Variants in CNTNAP2 observed in about 807,000 individuals in gnomAD.
CNTNAP2 encodes contactin-associated protein-like 2.
Under a neutral mutation model 155.2 loss-of-function variants are expected in CNTNAP2, and 98 were observed. That is an observed-to-expected ratio of 0.63 (90% CI 0.54 to 0.75). CNTNAP2 has a LOEUF of 0.75. Ranked by LOEUF, CNTNAP2 falls within the 30% of genes least tolerant of loss-of-function variation. The pLI is 0.00. For synonymous variants in CNTNAP2, 651 were observed against 631.2 expected, an observed-to-expected ratio of 1.03 and a Z score of -0.47; for missense variants, 1,727 against 1,688.1, an observed-to-expected ratio of 1.02 and a Z score of -0.40.
intron 13 of CNTNAP2, among the ~76,000 whole-genome samples, chr7:147,764,076 A>G (rs1475105306): frequency 3.3e-5 from 5 of 151,900 alleles, no homozygotes; most frequent in Non-Finnish European, 7.4e-5. Flanking sequence ...TGCTGTGTCC[A>G]TAGCTTTTTC....
At chr7:147,754,248 G>T (rs1281485328) in intron 13 of CNTNAP2, among the ~76,000 whole-genome samples, 2 of 152,152 alleles carry the variant, frequency 1.3e-5, no homozygotes, top group Non-Finnish European at 2.9e-5. Context: ...GAGCAATGAA[G>T]CAAAATGTAC....
intron 11 of CNTNAP2, among the ~76,000 whole-genome samples, chr7:147,487,485 C>A (rs990676133): frequency 6.6e-6 from 1 of 152,128 alleles, no homozygotes; most frequent in East Asian, 1.9e-4. Context: ...AGTGCCTTCA[C>A]TCCACTAGCA....
At chr7:146,220,875 TA>T (rs1469283357) in intron 1 of CNTNAP2, among the ~76,000 whole-genome samples, 2 of 152,194 alleles carry the variant, frequency 1.3e-5, no homozygotes, top group Non-Finnish European at 2.9e-5. Context: ...GAACAAGAGA[TA>T]AAATTTTGTT....
At chr7:147,829,630 A>C (rs77658347) in intron 13 of CNTNAP2, among the ~76,000 whole-genome samples, 6,735 of 152,266 alleles carry the variant, frequency 0.044, 269 homozygotes, top group Admixed American at 0.12. Context: ...GGTAACAGAA[A>C]CAGGATTGGA....
chr7:146,214,245 A>T (rs934281793), intron 1 of CNTNAP2, among the ~76,000 whole-genome samples: 1 of 152,218 alleles, frequency 6.6e-6, no homozygotes, highest in Non-Finnish European at 1.5e-5. Context: ...ACTAAATAAG[A>T]TCATGTAAAT....
chr7:147,104,398 T>C (rs1012489783), intron 4 of CNTNAP2, among the ~76,000 whole-genome samples: 1 of 151,954 alleles, frequency 6.6e-6, no homozygotes, highest in Non-Finnish European at 1.5e-5. Context: ...TATACAGTAT[T>C]ATCCATATGT....
At position 146,489,214 on chromosome 7, in the gene CNTNAP2, C is replaced by T. The variant is rs182302767; in HGVS notation, c.98-285057C>T. Among the ~76,000 whole-genome samples the T allele has an allele frequency of 5.3e-5, 8 of 152,200 alleles. No individual in the cohort carries two copies. In the East Asian group the frequency reaches 1.5e-3, roughly 29 times the overall value. ...ATAAATATGTACAAATATAATGTAT[C>T]AATTTTTAAAAGTTACTGAAAACTC... On this transcript the variant is annotated intron_variant, in intron 1 of 23. Coordinates refer to ENST00000361727, the MANE Select transcript of CNTNAP2 (RefSeq NM_014141.6).
intron 13 of CNTNAP2, among the ~76,000 whole-genome samples, chr7:147,868,385 C>G (rs1370847744): frequency 6.6e-6 from 1 of 152,098 alleles, no homozygotes; most frequent in Non-Finnish European, 1.5e-5. Flanking sequence ...GTCTGTCGGC[C>G]CATACTGGGA....
chr7:146,414,325 A>G (rs940960), intron 1 of CNTNAP2, among the ~76,000 whole-genome samples: 5,416 of 152,272 alleles, frequency 0.036, 342 homozygotes, highest in African/African-American at 0.12. Context: ...TGTTTTGCTT[A>G]GCCCACATAG....
At chr7:148,390,489 A>G (rs935630600) in intron 22 of CNTNAP2, among the ~76,000 whole-genome samples, 6 of 152,204 alleles carry the variant, frequency 3.9e-5, no homozygotes, top group African/African-American at 1.4e-4. Flanking sequence ...CTTGCTGTGA[A>G]GAGTAAGGAA....
intron 1 of CNTNAP2, among the ~76,000 whole-genome samples, chr7:146,645,262 A>G (rs1350846718): frequency 1.3e-5 from 2 of 152,174 alleles, no homozygotes; most frequent in African/African-American, 4.8e-5. Flanking sequence ...AATCATGGCT[A>G]TGGTTGCCAT....
intron 1 of CNTNAP2, among the ~76,000 whole-genome samples, chr7:146,402,851 AC>A (rs1212218568): frequency 6.6e-6 from 1 of 152,114 alleles, no homozygotes; most frequent in African/African-American, 2.4e-5. Flanking sequence ...TGAATTTTTG[AC>A]TTTGAATAAC....
chr7:146,138,603 G>C (rs1797831751), intron 1 of CNTNAP2, among the ~76,000 whole-genome samples: 1 of 151,804 alleles, frequency 6.6e-6, no homozygotes, highest in Admixed American at 6.6e-5. Flanking sequence ...ATTTCAGTTT[G>C]ACTAATCAAC....
At chr7:146,508,549 G>A (rs377129087) in intron 1 of CNTNAP2, among the ~76,000 whole-genome samples, 1 of 152,180 alleles carries the variant, frequency 6.6e-6, no homozygotes, top group African/African-American at 2.4e-5. Flanking sequence ...ACCAGCAGCA[G>A]CACCTGCTGT....
At chr7:147,625,173 G>A (rs774054716) in intron 12 of CNTNAP2, among the ~76,000 whole-genome samples, 1 of 152,078 alleles carries the variant, frequency 6.6e-6, no homozygotes, top group Non-Finnish European at 1.5e-5. Context: ...AGAATAGTAA[G>A]ACCTACTATT....
intron 8 of CNTNAP2, among the ~76,000 whole-genome samples, chr7:147,277,544 C>T (rs1291954488): frequency 6.6e-6 from 1 of 151,774 alleles, no homozygotes; most frequent in Non-Finnish European, 1.5e-5. Context: ...CTCTGATTTT[C>T]CAATGTTGAA....
chr7:148,203,075 T>C (rs1203128587), intron 18 of CNTNAP2, among the ~76,000 whole-genome samples: 1 of 152,238 alleles, frequency 6.6e-6, no homozygotes, highest in African/African-American at 2.4e-5. Context: ...TTGAGGTGAA[T>C]CTTTGCTTTT....
At chr7:148,413,846 G>C (rs1799912143) in intron 23 of CNTNAP2, among the ~76,000 whole-genome samples, 1 of 142,748 alleles carries the variant, frequency 7.0e-6, no homozygotes, top group Non-Finnish European at 1.6e-5. Flanking sequence ...TAACAACCTT[G>C]TCCTTTGTCT....
chr7:147,528,317 C>T (rs1039481139), intron 11 of CNTNAP2, among the ~76,000 whole-genome samples: 1 of 152,164 alleles, frequency 6.6e-6, no homozygotes, highest in Non-Finnish European at 1.5e-5. Flanking sequence ...GTAGTTTGGG[C>T]TGCCAGTAAG....
Sources: allele counts gnomAD v4.1 joint callset (sites outside exome capture counted in the v4.1 genomes callset), GRCh38; gene constraint gnomAD v4.1.1; transcripts MANE v1.5; gene names NCBI Gene and HGNC (gene_info 2026-07-23, HGNC 2026-07-21).